The following GDPD1 variants were observed in gnomAD, a reference collection of about 807,000 sequenced individuals.
GDPD1 encodes lysophospholipase D GDPD1.
A neutral mutation model predicts 45.1 loss-of-function variants in GDPD1; 28 were observed. The observed-to-expected ratio is 0.62, with a 90% CI of 0.46 to 0.85. The LOEUF (loss-of-function observed/expected upper bound fraction) is 0.85. GDPD1 is among the 40% of genes least tolerant of loss of function. GDPD1 has a pLI of 0.00. For synonymous variants in GDPD1, 139 were observed against 131.4 expected, an observed-to-expected ratio of 1.06 and a Z score of -0.40; for missense variants, 256 against 364.8, an observed-to-expected ratio of 0.70 and a Z score of 2.43.
intron 6 of GDPD1, among the ~76,000 whole-genome samples, chr17:59,265,930 T>C (rs1453874211): frequency 2.7e-5 from 4 of 145,872 alleles, no homozygotes; most frequent in African/African-American, 1.0e-4. Flanking sequence ...AGGCATAGAG[T>C]TGTTTTCACT....
chr17:59,223,425 G>A (rs1162370171), intron 1 of GDPD1, among the ~76,000 whole-genome samples: 1 of 152,146 alleles, frequency 6.6e-6, no homozygotes, highest in Non-Finnish European at 1.5e-5. Flanking sequence ...GAGTGATAGA[G>A]GAGATAAAAC....
intron 7 of GDPD1, 119 bp downstream of exon 7, chr17:59,267,293 T>C: frequency 1.1e-6 from 1 of 870,308 alleles, no homozygotes; most frequent in Non-Finnish European, 1.8e-6. Flanking sequence ...TTCCATGTTC[T>C]ATTACCTGAC....
chr17:59,267,080 C>T lies in GDPD1; in HGVS notation c.616C>T (p.Leu206=). ...TATACTCTTCAGTCTACAACGTGTC[C>T]TGCTCATTCTTGGCCTTTTCTTCAC... ...IPILFSLQRV[L]LILGLFFTGL... is the part of the protein sequence containing the mutation. Residue 206 remains leucine, a synonymous_variant, in exon 7 of 10, where the codon CTG becomes TTG. Transcript: ENST00000284116. 1 of 1,613,088 alleles carries T rather than the reference C, an allele frequency of 6.2e-7. No homozygotes were observed. Among genetic ancestry groups the T allele is most frequent in the South Asian group, 1.1e-5 (1 of 91,060 alleles).
intron 6 of GDPD1, among the ~76,000 whole-genome samples, chr17:59,262,638 T>G (rs1420784743): frequency 1.4e-5 from 1 of 71,238 alleles, no homozygotes; most frequent in Non-Finnish European, 4.2e-5. Context: ...TGTTTTTTTT[T>G]GTTTTTTTTT....
At chr17:59,246,858 C>T (rs1356653249) in intron 3 of GDPD1, among the ~76,000 whole-genome samples, 1 of 151,632 alleles carries the variant, frequency 6.6e-6, no homozygotes, top group African/African-American at 2.4e-5. Context: ...ACCTCTGCCT[C>T]CCAGGTTCAA....
At chr17:59,262,549 G>A (rs1214239870) in intron 6 of GDPD1, among the ~76,000 whole-genome samples, 1 of 152,078 alleles carries the variant, frequency 6.6e-6, no homozygotes, top group Non-Finnish European at 1.5e-5. Context: ...AGGGGACAGG[G>A]ACTTAGGGTA....
chr17:59,272,764 G>A, intron 8 of GDPD1, 21 bp from the exon 9 acceptor site: 1 of 1,463,772 alleles, frequency 6.8e-7, no homozygotes, highest in Non-Finnish European at 9.6e-7. Flanking sequence ...TCCTAAATCA[G>A]TTTTGCTTTT....
At chr17:59,232,967 G>T (rs758452003) in intron 1 of GDPD1, among the ~76,000 whole-genome samples, 18 of 152,158 alleles carry the variant, frequency 1.2e-4, no homozygotes, top group Non-Finnish European at 1.9e-4. Context: ...CGTAATCCCA[G>T]CACTTTGGGA....
chr17:59,255,787 G>A (rs1192353556), intron 4 of GDPD1, among the ~76,000 whole-genome samples: 6 of 33,462 alleles, frequency 1.8e-4, no homozygotes, highest in African/African-American at 1.0e-3. Flanking sequence ...ATATATATAC[G>A]CGTATATATG....
chr17:59,222,419 G>C (rs1394620838), intron 1 of GDPD1, among the ~76,000 whole-genome samples: 2 of 149,712 alleles, frequency 1.3e-5, no homozygotes, highest in African/African-American at 2.5e-5. Flanking sequence ...TCTGAGCCAG[G>C]ATGGTCTCGA....
chr17:59,230,756 G>A lies in GDPD1; in HGVS notation c.143-3736G>A, dbSNP rs540777475. 4.6e-5 allele frequency among the ~76,000 whole-genome samples: 7 copies of A among 152,242 alleles called. No homozygotes were observed. In the East Asian group the frequency reaches 5.8e-4, roughly 13 times the overall value. On this transcript the variant is annotated intron_variant, in intron 1 of 9. Coordinates refer to ENST00000284116, the MANE Select transcript of GDPD1 (RefSeq NM_182569.4). ...AAGGTGATTAGCATCTGCTGGTCAC[G>A]AAGCAGCAAAGAAATACATTGACAA...
intron 2 of GDPD1, among the ~76,000 whole-genome samples, chr17:59,238,874 G>A (rs1312102801): frequency 6.6e-6 from 1 of 152,172 alleles, no homozygotes; most frequent in Non-Finnish European, 1.5e-5. Context: ...AAAGACTGAT[G>A]AAGGAGACAG....
intron 1 of GDPD1, among the ~76,000 whole-genome samples, chr17:59,232,501 A>G (rs1053878218): frequency 6.6e-6 from 1 of 152,148 alleles, no homozygotes; most frequent in East Asian, 1.9e-4. Context: ...ATATCGAAGA[A>G]GTTTTTAACG....
At chr17:59,254,154 G>A (rs1246690769) in intron 4 of GDPD1, among the ~76,000 whole-genome samples, 7 of 151,830 alleles carry the variant, frequency 4.6e-5, no homozygotes, top group Non-Finnish European at 1.0e-4. Flanking sequence ...CTGAGATTGG[G>A]AGTTCAAGAC....
intron 7 of GDPD1, among the ~76,000 whole-genome samples, chr17:59,268,976 C>A (rs980550223): frequency 3.3e-5 from 5 of 151,850 alleles, no homozygotes; most frequent in South Asian, 2.1e-4. Flanking sequence ...AGCGACAGAG[C>A]GAGACTCCTT....
At chr17:59,254,356 G>A (rs1328989811) in intron 4 of GDPD1, among the ~76,000 whole-genome samples, 5 of 125,146 alleles carry the variant, frequency 4.0e-5, no homozygotes, top group Admixed American at 8.2e-5. Context: ...GTGAGACTCC[G>A]TCTCAAAAAA....
intron 6 of GDPD1, among the ~76,000 whole-genome samples, chr17:59,263,999 T>A (rs9303404): frequency 0.44 from 66,687 of 151,870 alleles, 16,405 homozygotes; most frequent in African/African-American, 0.67. Flanking sequence ...AATTTAATTT[T>A]ATTTTATTTT....
intron 4 of GDPD1, among the ~76,000 whole-genome samples, chr17:59,254,659 GA>G (rs2047282893): frequency 2.6e-5 from 4 of 152,146 alleles, no homozygotes; most frequent in Admixed American, 2.6e-4. Context: ...GATAGCTTAA[GA>G]AAAAAATTAA....
chr17:59,239,719 G>T (rs1398479645), intron 2 of GDPD1, among the ~76,000 whole-genome samples: 1 of 149,072 alleles, frequency 6.7e-6, no homozygotes, highest in Non-Finnish European at 1.5e-5. Context: ...TTCAGCTAGA[G>T]ACAAACTTCA....
Sources: allele counts gnomAD v4.1 joint callset (sites outside exome capture counted in the v4.1 genomes callset), GRCh38; gene constraint gnomAD v4.1.1; transcripts MANE v1.5; gene names NCBI Gene and HGNC (gene_info 2026-07-23, HGNC 2026-07-21).